Variants in SPEF2 observed in about 807,000 individuals in gnomAD.
SPEF2 encodes sperm flagella and cilia-associated protein 2.
Under a neutral mutation model 224.6 loss-of-function variants are expected in SPEF2, and 187 were observed. The ratio of observed to expected loss-of-function variants is 0.83; its 90% CI spans 0.74 to 0.94. The LOEUF (loss-of-function observed/expected upper bound fraction) is 0.94, where lower values mean the gene tolerates loss of function less well. Ranked by LOEUF, SPEF2 falls within the 40% of genes least tolerant of loss-of-function variation. SPEF2 has a pLI of 0.00. For synonymous variants in SPEF2, 715 were observed against 707.3 expected, an observed-to-expected ratio of 1.01 and a Z score of -0.17; for missense variants, 2,170 against 2,135.6, an observed-to-expected ratio of 1.02 and a Z score of -0.32.
At chr5:35,712,180 C>G (rs1238262459) in intron 19 of SPEF2, among the ~76,000 whole-genome samples, 1 of 152,116 alleles carries the variant, frequency 6.6e-6, no homozygotes, top group African/African-American at 2.4e-5. Context: ...AAGGGTGCAA[C>G]ATATCAAAAT....
At chr5:35,769,999 G>A (rs1270446296) in intron 26 of SPEF2, among the ~76,000 whole-genome samples, 102 of 137,478 alleles carry the variant, frequency 7.4e-4, no homozygotes, top group South Asian at 1.4e-3. Flanking sequence ...ATGTGTGTGT[G>A]TGTGTGTGTG....
In SPEF2 at chr5:35,806,964, T is replaced by A. The variant is rs1444084499; in HGVS notation, c.5256+12T>A. 1 of 1,584,682 alleles carries A rather than the reference T, an allele frequency of 6.3e-7. No individual in the cohort carries two copies. The highest frequency in any genetic ancestry group is 8.6e-7 in the Non-Finnish European group (1 of 1,168,822). On this transcript the variant is annotated intron_variant, in intron 35 of 36. Coordinates refer to ENST00000356031, the MANE Select transcript of SPEF2 (RefSeq NM_024867.4). ...ACATTTATGCAGAGGTTGGTTAAAT[T>A]ATTTTGAAAAAAGTTGGCCTCAATT... is the stretch of plus-strand genomic sequence containing the variant.
chr5:35,623,927 T>C (rs535955998), intron 1 of SPEF2, among the ~76,000 whole-genome samples: 1 of 152,178 alleles, frequency 6.6e-6, no homozygotes, highest in African/African-American at 2.4e-5. Flanking sequence ...AAAACTACTC[T>C]TATAAGGTAG....
At chr5:35,799,245 G>A (rs1048279519) in intron 33 of SPEF2, among the ~76,000 whole-genome samples, 7 of 152,182 alleles carry the variant, frequency 4.6e-5, no homozygotes. Flanking sequence ...CCCAGACAGG[G>A]CTGCTTATGT....
intron 18 of SPEF2, among the ~76,000 whole-genome samples, chr5:35,706,057 A>AC (rs1554037153): frequency 1.1e-4 from 17 of 150,688 alleles, no homozygotes; most frequent in South Asian, 8.3e-4. Flanking sequence ...CATAAAAAAA[A>AC]AACAAGAAAA....
intron 2 of SPEF2, among the ~76,000 whole-genome samples, chr5:35,634,065 A>T (rs1043196850): frequency 2.0e-5 from 3 of 152,038 alleles, no homozygotes; most frequent in Admixed American, 1.3e-4. Context: ...ACAAAAATAT[A>T]TTTAAACTAT....
chr5:35,801,736 G>A (rs1757447905), intron 34 of SPEF2, among the ~76,000 whole-genome samples: 1 of 151,996 alleles, frequency 6.6e-6, no homozygotes, highest in African/African-American at 2.4e-5. Flanking sequence ...GCTGCTATAT[G>A]TTCCCATGGT....
At position 35,771,654 on chromosome 5, in the gene SPEF2, A is replaced by G; in HGVS notation, c.3847A>G (p.Asn1283Asp). 1.9e-6 allele frequency: 3 copies of G among 1,611,350 alleles called. No homozygotes were observed. Among genetic ancestry groups the G allele is most frequent in the Non-Finnish European group, 2.5e-6 (3 of 1,179,282 alleles). Residue 1283 changes from asparagine to aspartate, a missense_variant, in exon 27 of 37, where the codon AAC (asparagine) becomes GAC (aspartate). Transcript: ENST00000356031. ...GAGGCTTATGGAAGAAGAAAAAGAA[A>G]ACCAGCCAGCAGACCCCAAAGAAAA... is the stretch of plus-strand genomic sequence containing the variant. ...HQRLMEEEKE[N>D]QPADPKEKSP...
chr5:35,648,329 C>T (rs1747693740), intron 5 of SPEF2, among the ~76,000 whole-genome samples: 1 of 151,624 alleles, frequency 6.6e-6, no homozygotes, highest in Non-Finnish European at 1.5e-5. Flanking sequence ...CTCCATTTCA[C>T]TATCTACCTT....
intron 33 of SPEF2, among the ~76,000 whole-genome samples, chr5:35,798,415 G>A (rs1338691498): frequency 6.6e-6 from 1 of 152,024 alleles, no homozygotes; most frequent in Admixed American, 6.6e-5. Context: ...AGCCTCAGCA[G>A]CCCCTTTGTC....
intron 31 of SPEF2, among the ~76,000 whole-genome samples, chr5:35,792,683 C>T (rs1339016946): frequency 6.6e-6 from 1 of 152,194 alleles, no homozygotes; most frequent in Non-Finnish European, 1.5e-5. Context: ...CTGTGATGTT[C>T]AACCAGTGAG....
At chr5:35,691,517 G>A (rs1754481249) in intron 11 of SPEF2, among the ~76,000 whole-genome samples, 1 of 152,190 alleles carries the variant, frequency 6.6e-6, no homozygotes, top group Non-Finnish European at 1.5e-5. Flanking sequence ...GTCACATAGT[G>A]TATGAGCCCA....
intron 33 of SPEF2, among the ~76,000 whole-genome samples, chr5:35,796,529 G>A (rs1194922342): frequency 2.0e-5 from 3 of 151,672 alleles, no homozygotes; most frequent in Admixed American, 6.6e-5. Flanking sequence ...GGAGAATGGC[G>A]TGAACCCGGG....
Position 35,746,273 on chromosome 5 carries a change from C to T in SPEF2, c.3330+6006C>T, listed in dbSNP as rs554645641. Among the ~76,000 whole-genome samples the T allele has an allele frequency of 8.5e-5, 13 of 152,136 alleles. No homozygotes were observed. In the South Asian group the frequency reaches 1.2e-3, roughly 15 times the overall value. On this transcript the variant is annotated intron_variant, in intron 23 of 36. Coordinates refer to ENST00000356031, the MANE Select transcript of SPEF2 (RefSeq NM_024867.4). ...ATGACAAAACAAGGCTCTTTAACAC[C>T]GTGAAAAAATCACACTAGTTCACCA... is the stretch of plus-strand genomic sequence containing the variant.
At chr5:35,703,142 GTC>G (rs33972566) in intron 16 of SPEF2, among the ~76,000 whole-genome samples, 81,067 of 151,068 alleles carry the variant, frequency 0.54, 22,126 homozygotes, top group African/African-American at 0.56. Flanking sequence ...TTAGAAAAGG[GTC>G]TCTCTATATA....
chr5:35,752,725 A>G (rs1014949275), intron 23 of SPEF2, among the ~76,000 whole-genome samples: 3 of 152,216 alleles, frequency 2.0e-5, no homozygotes, highest in Non-Finnish European at 4.4e-5. Flanking sequence ...TGGCTCCACC[A>G]CTTAATCTTT....
chr5:35,674,764 T>C (rs1351438761), intron 10 of SPEF2, among the ~76,000 whole-genome samples: 3 of 151,980 alleles, frequency 2.0e-5, no homozygotes, highest in Non-Finnish European at 2.9e-5. Context: ...TACCATCACA[T>C]TGGAGGTTAG....
At chr5:35,805,334 A>G (rs1360179163) in intron 34 of SPEF2, among the ~76,000 whole-genome samples, 2 of 152,144 alleles carry the variant, frequency 1.3e-5, no homozygotes, top group South Asian at 2.1e-4. Context: ...TGTCCCTCCA[A>G]ATTCCTTATA....
intron 8 of SPEF2, among the ~76,000 whole-genome samples, chr5:35,663,336 C>T (rs1192336318): frequency 6.6e-6 from 1 of 152,162 alleles, no homozygotes; most frequent in Admixed American, 6.5e-5. Flanking sequence ...TTTTAGTATT[C>T]CTTGACATCT....
Sources: allele counts gnomAD v4.1 joint callset (sites outside exome capture counted in the v4.1 genomes callset), GRCh38; gene constraint gnomAD v4.1.1; transcripts MANE v1.5; gene names NCBI Gene and HGNC (gene_info 2026-07-23, HGNC 2026-07-21).